Variants in JARID2 observed in about 807,000 individuals in gnomAD.
JARID2 encodes the protein jumonji and AT-rich interaction domain containing 2, also known as protein Jumonji.
Under a neutral mutation model 125.6 loss-of-function variants are expected in JARID2, and 21 were observed. The observed-to-expected ratio is 0.17, with a 90% CI of 0.12 to 0.24. The LOEUF is 0.24. Among genes scored for constraint, JARID2 ranks in the 10% least tolerant of loss-of-function variants. JARID2 has a pLI of 1.00. For missense variants in JARID2, 1,303 were observed against 1,639.6 expected, an observed-to-expected ratio of 0.79 and a Z score of 3.55; for synonymous variants, 736 against 661.6, an observed-to-expected ratio of 1.11 and a Z score of -1.73.
intron 3 of JARID2, among the ~76,000 whole-genome samples, chr6:15,427,129 G>C (rs1211775256): frequency 6.6e-6 from 1 of 152,126 alleles, no homozygotes; most frequent in Non-Finnish European, 1.5e-5. Context: ...TGCTAGACTT[G>C]GGTCTGTCTC....
intron 1 of JARID2, among the ~76,000 whole-genome samples, chr6:15,300,730 A>T (rs143039575): frequency 0.09 from 11,104 of 123,532 alleles, 400 homozygotes; most frequent in Non-Finnish European, 0.12. Context: ...TGTGAGAGAG[A>T]GAGAGAGAGA....
At chr6:15,277,642 C>T (rs574052223) in intron 1 of JARID2, among the ~76,000 whole-genome samples, 5 of 152,176 alleles carry the variant, frequency 3.3e-5, no homozygotes, top group South Asian at 4.2e-4. Context: ...AATGACTAAA[C>T]GTAAAATGGG....
At chr6:15,291,568 G>T (rs1476567612) in intron 1 of JARID2, among the ~76,000 whole-genome samples, 1 of 152,216 alleles carries the variant, frequency 6.6e-6, no homozygotes, top group African/African-American at 2.4e-5. Context: ...GTGAAGGGAT[G>T]CTGCAGGGAT....
chr6:15,436,638 C>T (rs1767216719), intron 3 of JARID2, among the ~76,000 whole-genome samples: 1 of 152,068 alleles, frequency 6.6e-6, no homozygotes, highest in Non-Finnish European at 1.5e-5. Flanking sequence ...CCAGCTTTTC[C>T]CTCCCCACCT....
rs2127777206 is a variant in JARID2 at position 15,519,521 on chromosome 6, C to T, written c.3559-548C>T. On this transcript the variant is annotated intron_variant, in intron 17 of 17. Transcript: ENST00000341776. ...ATAAGATGCACGTTTGCTACTCCTCCCCATGTTGTTTTTAAAAATGATATG... is the reference window on the plus strand; with the variant it reads ...ATAAGATGCACGTTTGCTACTCCTCTCCATGTTGTTTTTAAAAATGATATG... Among the ~76,000 whole-genome samples, 3 of 152,250 alleles carry T rather than the reference C, an allele frequency of 2.0e-5. No homozygotes were observed. The South Asian group carries it at 6.2e-4, about 32-fold the overall frequency.
chr6:15,281,261 C>T (rs539702780), intron 1 of JARID2, among the ~76,000 whole-genome samples: 7 of 152,296 alleles, frequency 4.6e-5, no homozygotes, highest in Non-Finnish European at 8.8e-5. Flanking sequence ...AGGTGAACTA[C>T]GAAGTCATTT....
At chr6:15,393,619 C>G (rs1765107183) in intron 2 of JARID2, among the ~76,000 whole-genome samples, 1 of 152,136 alleles carries the variant, frequency 6.6e-6, no homozygotes, top group Non-Finnish European at 1.5e-5. Context: ...AATGATGTTC[C>G]ATATTTATCG....
chr6:15,494,411 G>A (rs376251817), intron 6 of JARID2, among the ~76,000 whole-genome samples: 57 of 32,392 alleles, frequency 1.8e-3, no homozygotes, highest in African/African-American at 5.9e-3. Context: ...TTTTTGGCAA[G>A]TCTTTTTTTT....
Position 15,246,250 on chromosome 6 carries a change from TTGTG to T in JARID2, c.-280_-277del. 1 of 464,806 alleles carries T rather than the reference TTGTG, an allele frequency of 2.2e-6. No individual in the cohort carries two copies. 28.8% of individuals were successfully genotyped at this position (464,806 alleles called of 1,614,324 possible). ...GGGAGTGAAGGGCGTCGGTTTTTTT[TTGTG>T]TGTGTGTGTATGTGTTTCGGGGGAA... On this transcript the variant is annotated 5_prime_UTR_variant, in exon 1 of 18. Transcript: ENST00000341776.
chr6:15,310,735 C>G (rs958742668), intron 1 of JARID2, among the ~76,000 whole-genome samples: 3 of 152,190 alleles, frequency 2.0e-5, no homozygotes, highest in Admixed American at 1.3e-4. Flanking sequence ...CCGCTTGGCT[C>G]TTTGGTGGCC....
At chr6:15,438,818 C>T (rs1258220809) in intron 3 of JARID2, among the ~76,000 whole-genome samples, 1 of 152,104 alleles carries the variant, frequency 6.6e-6, no homozygotes, top group African/African-American at 2.4e-5. Flanking sequence ...TGCCTGAGGT[C>T]AGGAGTAAGA....
At chr6:15,381,341 C>CCAA (rs70996539) in intron 2 of JARID2, among the ~76,000 whole-genome samples, 68 of 92,962 alleles carry the variant, frequency 7.3e-4, no homozygotes, top group African/African-American at 9.5e-4. Context: ...ACTCCTGTCT[C>CCAA]AAAAAAAAAA....
chr6:15,341,859 C>G (rs1763080886), intron 1 of JARID2, among the ~76,000 whole-genome samples: 1 of 152,154 alleles, frequency 6.6e-6, no homozygotes, highest in African/African-American at 2.4e-5. Context: ...GATCATGACT[C>G]AAACTGTAGA....
chr6:15,323,174 C>T (rs1038051234), intron 1 of JARID2, among the ~76,000 whole-genome samples: 5 of 152,244 alleles, frequency 3.3e-5, no homozygotes, highest in African/African-American at 1.2e-4. Flanking sequence ...GGGTGGTGGG[C>T]TTTTGCTTGC....
intron 1 of JARID2, among the ~76,000 whole-genome samples, chr6:15,301,142 T>C (rs1318432414): frequency 6.6e-6 from 1 of 152,186 alleles, no homozygotes; most frequent in Non-Finnish European, 1.5e-5. Context: ...AAATCCCAGG[T>C]CTTTAAAAAT....
intron 3 of JARID2, among the ~76,000 whole-genome samples, chr6:15,428,224 C>G (rs1281876799): frequency 6.6e-6 from 1 of 151,950 alleles, no homozygotes; most frequent in East Asian, 1.9e-4. Context: ...TTCCTTTAGG[C>G]TCAATGGCTT....
At chr6:15,282,686 C>T (rs1760802407) in intron 1 of JARID2, among the ~76,000 whole-genome samples, 1 of 152,038 alleles carries the variant, frequency 6.6e-6, no homozygotes. Context: ...CTCACCGCAA[C>T]CTCCACCTCC....
intron 2 of JARID2, among the ~76,000 whole-genome samples, chr6:15,393,917 C>G (rs1295983193): frequency 6.6e-6 from 1 of 152,026 alleles, no homozygotes; most frequent in Non-Finnish European, 1.5e-5. Context: ...AACAAAAAAA[C>G]AAAAACTGTA....
At chr6:15,467,555 C>T (rs1432479262) in intron 4 of JARID2, among the ~76,000 whole-genome samples, 1 of 149,256 alleles carries the variant, frequency 6.7e-6, no homozygotes, top group Admixed American at 6.7e-5. Context: ...GAATATTGAG[C>T]CTAAGGGTGG....
Sources: allele counts gnomAD v4.1 joint callset (sites outside exome capture counted in the v4.1 genomes callset), GRCh38; gene constraint gnomAD v4.1.1; transcripts MANE v1.5; gene names NCBI Gene and HGNC (gene_info 2026-07-23, HGNC 2026-07-21).